Variants in RANBP2 observed in about 807,000 individuals in gnomAD.
RANBP2 encodes the protein RAN binding protein 2, also known as E3 SUMO-protein ligase RanBP2.
Under a neutral mutation model 303.6 loss-of-function variants are expected in RANBP2, and 57 were observed. The ratio of observed to expected loss-of-function variants is 0.19; its 90% confidence interval spans 0.15 to 0.23. RANBP2 has a LOEUF of 0.23. Ranked by LOEUF, RANBP2 falls within the 10% of genes least tolerant of loss-of-function variation. RANBP2 has a pLI of 1.00. For missense variants in RANBP2, 3,138 were observed against 3,780.8 expected, an observed-to-expected ratio of 0.83 and a Z score of 4.46; for synonymous variants, 1,167 against 1,301.5, an observed-to-expected ratio of 0.90 and a Z score of 2.23.
chr2:109,453,911 G>A, the RANBP2 span, among the ~76,000 whole-genome samples: 180 of 152,306 alleles, frequency 1.2e-3, no homozygotes, highest in African/African-American at 4.1e-3. Context: ...GACATGGCCC[G>A]AAGATGAGGG....
chr2:108,788,097 G>A (rs778338943), downstream of RANBP2: 3 of 1,601,830 alleles, frequency 1.9e-6, no homozygotes, highest in South Asian at 1.1e-5. Flanking sequence ...CAGGTAAGCC[G>A]GTATTTTGTA....
chr2:109,618,874 C>T, the RANBP2 span: 6 of 166,984 alleles, frequency 3.6e-5, no homozygotes, highest in African/African-American at 1.2e-4. Flanking sequence ...AGTTTTTTCA[C>T]GCCTGCAATC....
the RANBP2 span, among the ~76,000 whole-genome samples, chr2:109,636,500 TTGTAGAGGACAGAGAGAC>T: frequency 2.6e-5 from 4 of 152,106 alleles, no homozygotes; most frequent in Non-Finnish European, 4.4e-5. Flanking sequence ...AATGCCAATA[TTGTAGAGGACAGAGAGAC>T]TGTGGAGCTC....
chr2:109,173,084 C>T, the RANBP2 span, among the ~76,000 whole-genome samples: 4 of 152,182 alleles, frequency 2.6e-5, no homozygotes, highest in East Asian at 3.8e-4. Context: ...TTCATGTTTT[C>T]TGATCTATTT....
At chr2:108,740,420 A>G in intron 6 of RANBP2, 69 bp from the exon 7 acceptor site, 2 of 1,593,012 alleles carry the variant, frequency 1.3e-6, no homozygotes, top group South Asian at 2.2e-5. Flanking sequence ...TTTGTTTTGA[A>G]TTAAATAAAC....
chr2:109,165,568 C>T, the RANBP2 span, among the ~76,000 whole-genome samples: 2 of 152,180 alleles, frequency 1.3e-5, no homozygotes, highest in Non-Finnish European at 2.9e-5. Flanking sequence ...GACTGTGTGG[C>T]CAGCAAAACC....
chr2:109,503,461 T>A, the RANBP2 span: 2 of 152,048 alleles, frequency 1.3e-5, no homozygotes, highest in African/African-American at 4.8e-5. Flanking sequence ...AAGATGATAA[T>A]AGATTTAATA....
chr2:109,489,883 A>AT, the RANBP2 span, among the ~76,000 whole-genome samples: 1 of 152,250 alleles, frequency 6.6e-6, no homozygotes, highest in East Asian at 1.9e-4. Context: ...GATTACAGGC[A>AT]AGTGCCACCA....
the RANBP2 span, among the ~76,000 whole-genome samples, chr2:109,763,500 G>A: frequency 6.7e-5 from 10 of 150,262 alleles, 1 homozygote; most frequent in South Asian, 2.2e-3. Flanking sequence ...CAGCTTATAA[G>A]GACAGCTCCG....
At chr2:108,794,868 T>C in the RANBP2 span, 1 of 634,586 alleles carries the variant, frequency 1.6e-6, no homozygotes, top group African/African-American at 1.9e-5. Flanking sequence ...ACTCAAATTA[T>C]AGGGACTAAT....
At chr2:109,335,673 C>T in the RANBP2 span, among the ~76,000 whole-genome samples, 4 of 152,182 alleles carry the variant, frequency 2.6e-5, no homozygotes, top group Non-Finnish European at 5.9e-5. Flanking sequence ...GGAACATAAA[C>T]TCCACCCGGG....
the RANBP2 span, among the ~76,000 whole-genome samples, chr2:109,552,023 C>T: frequency 6.6e-6 from 1 of 152,192 alleles, no homozygotes; most frequent in Non-Finnish European, 1.5e-5. Context: ...GGCGGGCAAA[C>T]AAGCATTACT....
At chr2:109,447,481 CAA>C in the RANBP2 span, among the ~76,000 whole-genome samples, 1 of 152,310 alleles carries the variant, frequency 6.6e-6, no homozygotes, top group East Asian at 1.9e-4. Context: ...ATGAATGCCA[CAA>C]AGTCTGCTGG....
At chr2:108,745,190 T>C (rs1696415265) in intron 7 of RANBP2, among the ~76,000 whole-genome samples, 1 of 149,942 alleles carries the variant, frequency 6.7e-6, no homozygotes, top group South Asian at 2.1e-4. Flanking sequence ...CTGAAAGAAT[T>C]GCAGTATCAA....
At chr2:109,449,595 G>A in the RANBP2 span, 227 of 1,369,486 alleles carry the variant, frequency 1.7e-4, no homozygotes, top group South Asian at 3.5e-4. Flanking sequence ...CTAGAATGTG[G>A]GCTCCAAGTG....
the RANBP2 span, among the ~76,000 whole-genome samples, chr2:109,493,152 A>C: frequency 6.6e-6 from 1 of 151,414 alleles, no homozygotes; most frequent in East Asian, 1.9e-4. Context: ...CATCATACAA[A>C]ACACATACAC....
the RANBP2 span, among the ~76,000 whole-genome samples, chr2:108,803,418 G>A: frequency 1.3e-5 from 2 of 152,042 alleles, no homozygotes; most frequent in Non-Finnish European, 2.9e-5. Context: ...ATTTTTTAGA[G>A]CTTTAGTGGA....
At chr2:109,701,925 T>C in the RANBP2 span, among the ~76,000 whole-genome samples, 1 of 152,240 alleles carries the variant, frequency 6.6e-6, no homozygotes, top group African/African-American at 2.4e-5. Flanking sequence ...TTAGTGACTA[T>C]ACTTGTGTGC....
chr2:109,434,063 A>G, the RANBP2 span, among the ~76,000 whole-genome samples: 1 of 152,170 alleles, frequency 6.6e-6, no homozygotes, highest in East Asian at 1.9e-4. Context: ...TCAGCCTGCA[A>G]CCGGCCTGTG....
Sources: gnomAD v4.1 joint callset for allele counts (sites outside exome capture counted in the v4.1 genomes callset) on GRCh38, gnomAD v4.1.1 for gene constraint, MANE v1.5 for transcripts, NCBI Gene and HGNC (gene_info 2026-07-23, HGNC 2026-07-21) for gene names.